CBLN2: variants seen among roughly 807,000 people sequenced by gnomAD.
CBLN2 encodes the protein cerebellin 2 precursor.
A neutral mutation model predicts 15.0 loss-of-function variants in CBLN2; 7 were observed. That is an observed-to-expected ratio of 0.47 (90% CI 0.27 to 0.88). The LOEUF (loss-of-function observed/expected upper bound fraction) is 0.88. Ranked by LOEUF, CBLN2 falls within the 40% of genes least tolerant of loss-of-function variation. The pLI is 0.14. For missense variants in CBLN2, 242 were observed against 304.5 expected, an observed-to-expected ratio of 0.79 and a Z score of 1.53; for synonymous variants, 149 against 135.2, an observed-to-expected ratio of 1.10 and a Z score of -0.71.
At chr18:72,622,012 T>C (rs1295876441) in intron 1 of CBLN2, among the ~76,000 whole-genome samples, 1 of 152,180 alleles carries the variant, frequency 6.6e-6, no homozygotes, top group Non-Finnish European at 1.5e-5. Context: ...TGGGTTTTGT[T>C]TGTGGTATTA....
intron 1 of CBLN2, among the ~76,000 whole-genome samples, chr18:72,584,885 C>A (rs938705666): frequency 1.1e-4 from 17 of 152,194 alleles, no homozygotes; most frequent in African/African-American, 4.1e-4. Context: ...CTAGGCCTGG[C>A]AGGCTGTGCT....
At chr18:72,545,913 C>T (rs1026373256), upstream of CBLN2, among the ~76,000 whole-genome samples, 13 of 152,130 alleles carry the variant, frequency 8.5e-5, no homozygotes, top group Non-Finnish European at 1.5e-4. Flanking sequence ...AAAAGAAAAC[C>T]ACTTTCTATG....
At chr18:72,595,261 T>C (rs1346198344) in intron 1 of CBLN2, among the ~76,000 whole-genome samples, 2 of 152,120 alleles carry the variant, frequency 1.3e-5, no homozygotes, top group Non-Finnish European at 2.9e-5. Context: ...AATTTTTAAA[T>C]TTCTGTCTTA....
intron 1 of CBLN2, among the ~76,000 whole-genome samples, chr18:72,612,544 A>T (rs748953909): frequency 9.5e-4 from 144 of 151,662 alleles, no homozygotes; most frequent in Non-Finnish European, 1.8e-3. Context: ...GCTCTGTTGG[A>T]TGCATATTTT....
At chr18:72,599,943 A>G (rs949734579) in intron 1 of CBLN2, among the ~76,000 whole-genome samples, 1 of 152,112 alleles carries the variant, frequency 6.6e-6, no homozygotes, top group Non-Finnish European at 1.5e-5. Flanking sequence ...CTGGGATTCT[A>G]TGGGAAGCTT....
chr18:72,559,967 A>G (rs955932894), intron 1 of CBLN2, among the ~76,000 whole-genome samples: 1 of 152,192 alleles, frequency 6.6e-6, no homozygotes, highest in African/African-American at 2.4e-5. Context: ...AATATCTATT[A>G]TTTTTATCCT....
intron 1 of CBLN2, among the ~76,000 whole-genome samples, chr18:72,613,928 G>A (rs896781913): frequency 5.9e-5 from 9 of 152,064 alleles, no homozygotes; most frequent in Non-Finnish European, 1.2e-4. Context: ...TATTCAAAAC[G>A]TCTTCTAAGA....
chr18:72,610,853 C>G (rs761840859), intron 1 of CBLN2, among the ~76,000 whole-genome samples: 14 of 152,260 alleles, frequency 9.2e-5, no homozygotes, highest in Non-Finnish European at 1.8e-4. Context: ...CACTTGGGTA[C>G]TGAGCATAAT....
At chr18:72,574,649 A>G (rs1328957029) in intron 1 of CBLN2, among the ~76,000 whole-genome samples, 2 of 152,204 alleles carry the variant, frequency 1.3e-5, no homozygotes, top group African/African-American at 4.8e-5. Flanking sequence ...CAGATGCTAG[A>G]AAGTGAATGG....
At chr18:72,629,931 A>G (rs1293460585) in intron 1 of CBLN2, among the ~76,000 whole-genome samples, 1 of 152,198 alleles carries the variant, frequency 6.6e-6, no homozygotes, top group Non-Finnish European at 1.5e-5. Flanking sequence ...CTGGAAATCC[A>G]TTTGAACCAG....
rs150830644 is a variant in CBLN2 at position 72,633,048 on chromosome 18, C to T, written c.15+5277G>A. Among the ~76,000 whole-genome samples, 1,106 of 152,206 alleles carry T rather than the reference C, an allele frequency of 7.3e-3. 12 individuals carry two copies. The highest frequency in any genetic ancestry group is 0.025 in the African/African-American group (1,020 of 41,546). ...TGTTTGTTAAATGAAAAAGTCGCTT[C>T]GATTGTTTCATTACCTAATTTTGAG... On this transcript the variant is annotated intron_variant, in intron 1 of 2. Transcript: ENST00000581073.
intron 1 of CBLN2, among the ~76,000 whole-genome samples, chr18:72,572,347 T>C (rs737213): frequency 6.6e-6 from 1 of 152,188 alleles, no homozygotes; most frequent in African/African-American, 2.4e-5. Context: ...TTCAGAACTG[T>C]GGCTTTGGCA....
chr18:72,588,829 T>A (rs1034757763), intron 1 of CBLN2, among the ~76,000 whole-genome samples: 1 of 152,132 alleles, frequency 6.6e-6, no homozygotes, highest in African/African-American at 2.4e-5. Flanking sequence ...CTATGGAAGC[T>A]TGGAACAGCA....
At chr18:72,585,748 C>T (rs528281683) in intron 1 of CBLN2, among the ~76,000 whole-genome samples, 25 of 152,292 alleles carry the variant, frequency 1.6e-4, no homozygotes, top group East Asian at 3.9e-4. Flanking sequence ...CCAGGCTATT[C>T]GTACCAATGG....
intron 1 of CBLN2, among the ~76,000 whole-genome samples, chr18:72,619,981 C>T (rs953992323): frequency 6.6e-6 from 1 of 152,180 alleles, no homozygotes; most frequent in South Asian, 2.1e-4. Flanking sequence ...CTCAGCTCAC[C>T]ACCCCTTGTT....
chr18:72,595,911 T>C (rs1048334193), intron 1 of CBLN2, among the ~76,000 whole-genome samples: 14 of 152,126 alleles, frequency 9.2e-5, no homozygotes, highest in Non-Finnish European at 1.6e-4. Context: ...TCTATGTGTG[T>C]CTTTATAGGT....
At chr18:72,615,056 T>C (rs542953262) in intron 1 of CBLN2, among the ~76,000 whole-genome samples, 1 of 137,768 alleles carries the variant, frequency 7.3e-6, no homozygotes, top group Non-Finnish European at 1.5e-5. Context: ...TATATATATA[T>C]AAATATATAT....
rs141549773 is a variant in CBLN2, at chr18:72,538,124, C to A, written c.*52G>T. On this transcript the variant is annotated 3_prime_UTR_variant, in exon 5 of 5. Transcript: ENST00000269503. ...AGTAAGTTCAGGGTGTTTTAAAGGG[C>A]GGAGTCCTGGGTCCAGTTTGCCATT... 5.6e-3 allele frequency: 8,824 copies of A among 1,582,318 alleles called. 48 individuals carry two copies. The highest frequency in any genetic ancestry group is 5.9e-3 in the Non-Finnish European group (6,761 of 1,151,780).
intron 1 of CBLN2, among the ~76,000 whole-genome samples, chr18:72,626,021 C>T (rs2037046468): frequency 6.6e-6 from 1 of 151,718 alleles, no homozygotes; most frequent in South Asian, 2.1e-4. Flanking sequence ...AGCTGCCCGT[C>T]ACGCCCCAGC....
Sources: gnomAD v4.1 joint callset for allele counts (sites outside exome capture counted in the v4.1 genomes callset) on GRCh38, gnomAD v4.1.1 for gene constraint, MANE v1.5 for transcripts, NCBI Gene and HGNC (gene_info 2026-07-23, HGNC 2026-07-21) for gene names.